SYNE2: variants seen among roughly 807,000 people sequenced by gnomAD.
SYNE2 encodes spectrin repeat containing nuclear envelope protein 2.
In SYNE2, 431 loss-of-function variants were observed where a neutral mutation model predicts 856.3. The observed-to-expected ratio is 0.50, with a 90% CI of 0.47 to 0.55. The LOEUF is 0.55. Among genes scored for constraint, SYNE2 ranks in the 20% least tolerant of loss-of-function variants. The pLI is 0.00. For synonymous variants in SYNE2, 2,923 were observed against 2,872.3 expected, an observed-to-expected ratio of 1.02 and a Z score of -0.56; for missense variants, 8,129 against 8,023.2, an observed-to-expected ratio of 1.01 and a Z score of -0.50.
Position 64,051,711 on chromosome 14 carries a change from A to T in SYNE2, c.7798A>T (p.Ile2600Phe). 2.5e-6 allele frequency: 4 copies of T among 1,614,254 alleles called. No individual in the cohort carries two copies. The highest frequency in any genetic ancestry group is 3.4e-6 in the Non-Finnish European group (4 of 1,180,042). Reference protein sequence around the residue: ...DMDKKLLESQIKQLEHGWEQV... With the variant: ...DMDKKLLESQFKQLEHGWEQV... ...GGATAAGAAATTGTTGGAAAGCCAG[A>T]TTAAGCAACTTGAACATGGTTGGGA... The change falls in exon 48 of 116, where the codon ATT becomes TTT. Residue 2600 changes from isoleucine (I) to phenylalanine (F), a missense_variant. By Grantham distance (21) the Ile-to-Phe change is conservative. Around this residue, in one of 3 missense-constraint regions of SYNE2, gnomAD observed 5,410 missense variants for 5,284.8 expected, o/e 1.02. Coordinates refer to ENST00000555002, the MANE Select transcript of SYNE2 (RefSeq NM_182914.3).
chr14:64,045,734 G>A (rs200431466), intron 45 of SYNE2, among the ~76,000 whole-genome samples: 58 of 152,322 alleles, frequency 3.8e-4, no homozygotes, highest in Admixed American at 3.2e-3. Context: ...TGTGCTAAAT[G>A]CCAATTAAGT....
At chr14:63,862,632 A>G (rs1894042350) in intron 1 of SYNE2, among the ~76,000 whole-genome samples, 1 of 152,210 alleles carries the variant, frequency 6.6e-6, no homozygotes, top group Non-Finnish European at 1.5e-5. Context: ...CTTATAGATA[A>G]TATTCTAGAA....
chr14:64,197,280 G>T (rs1372413508), intron 99 of SYNE2, among the ~76,000 whole-genome samples: 1 of 152,206 alleles, frequency 6.6e-6, no homozygotes, highest in Non-Finnish European at 1.5e-5. Context: ...GCGTCAGCAT[G>T]CGTGTGGTGT....
chr14:64,027,297 T>C (rs1156302580), intron 42 of SYNE2, among the ~76,000 whole-genome samples, 187 bp from the exon 43 acceptor site: 1 of 152,204 alleles, frequency 6.6e-6, no homozygotes, highest in Non-Finnish European at 1.5e-5. Context: ...AATACTCAAA[T>C]AATTTCTGTC....
intron 2 of SYNE2, among the ~76,000 whole-genome samples, chr14:63,914,447 T>C (rs761876113): frequency 2.0e-5 from 3 of 152,218 alleles, no homozygotes; most frequent in Non-Finnish European, 4.4e-5. Context: ...AGAGTGACAG[T>C]TACATGGTCA....
At chr14:64,151,447 G>C (rs1266400582) in intron 84 of SYNE2, among the ~76,000 whole-genome samples, 1 of 42,658 alleles carries the variant, frequency 2.3e-5, no homozygotes, top group Non-Finnish European at 4.6e-5. Context: ...AAAAAAAAAA[G>C]CTGGGATCCT....
intron 63 of SYNE2, among the ~76,000 whole-genome samples, chr14:64,100,531 A>AAAAAAAAAAATATATATATATAT (rs1491537041): frequency 2.5e-5 from 1 of 39,496 alleles, no homozygotes; most frequent in Non-Finnish European, 4.7e-5. Context: ...AAAAAAAAAA[A>AAAAAAAAAAATATATATATATAT]ATATATATAT....
intron 51 of SYNE2, among the ~76,000 whole-genome samples, chr14:64,068,245 TCTGTC>T (rs2097372862): frequency 6.6e-6 from 1 of 152,146 alleles, no homozygotes; most frequent in Admixed American, 6.5e-5. Context: ...TTAAGACAAT[TCTGTC>T]ACCCTAGAAG....
chr14:64,014,158 C>A (rs1373575410), intron 32 of SYNE2, among the ~76,000 whole-genome samples: 2 of 152,068 alleles, frequency 1.3e-5, no homozygotes, highest in Non-Finnish European at 2.9e-5. Flanking sequence ...TTTCACATAG[C>A]ATTATTCTGT....
intron 6 of SYNE2, among the ~76,000 whole-genome samples, chr14:63,948,790 A>C (rs1212159544): frequency 5.4e-5 from 4 of 74,014 alleles, no homozygotes; most frequent in African/African-American, 2.9e-4. Flanking sequence ...GTGTATATAT[A>C]TATATATATA....
intron 1 of SYNE2, among the ~76,000 whole-genome samples, chr14:63,785,749 T>A (rs74058059): frequency 0.01 from 1,588 of 152,312 alleles, 23 homozygotes; most frequent in African/African-American, 0.036. Flanking sequence ...AAGCTTTTTT[T>A]AAATCATTAT....
intron 99 of SYNE2, among the ~76,000 whole-genome samples, chr14:64,199,977 A>G (rs1249267605): frequency 1.3e-5 from 2 of 151,506 alleles, no homozygotes; most frequent in Non-Finnish European, 2.9e-5. Context: ...TTATTCCCCC[A>G]CCTTCTCCAT....
intron 60 of SYNE2, among the ~76,000 whole-genome samples, chr14:64,092,425 C>T (rs1019772595): frequency 2.6e-5 from 4 of 152,126 alleles, no homozygotes; most frequent in Admixed American, 6.5e-5. Flanking sequence ...TAAGTACCCT[C>T]GTTGTAGAAA....
At chr14:63,875,885 C>T (rs2094704325) in intron 1 of SYNE2, among the ~76,000 whole-genome samples, 1 of 152,124 alleles carries the variant, frequency 6.6e-6, no homozygotes, top group African/African-American at 2.4e-5. Flanking sequence ...TGCAGTTCTT[C>T]AAGGTTCCCA....
intron 99 of SYNE2, among the ~76,000 whole-genome samples, chr14:64,192,355 A>G (rs556992841): frequency 6.6e-6 from 1 of 152,244 alleles, no homozygotes; most frequent in Admixed American, 6.5e-5. Flanking sequence ...ATCATACAGG[A>G]TCAAGATCTA....
In SYNE2 at chr14:63,942,142, A is replaced by T; in HGVS notation, c.407A>T (p.His136Leu). The T allele has an allele frequency of 5.1e-6, 8 of 1,560,218 alleles. No individual in the cohort carries two copies. The highest frequency in any genetic ancestry group is 7.1e-6 in the Non-Finnish European group (8 of 1,132,668). ...ATTTGGACAATTATCCTGCACTTTCATGTAAGTAGTTTGATGATATAAAAA... is the reference window on the plus strand; with the variant it reads ...ATTTGGACAATTATCCTGCACTTTCTTGTAAGTAGTTTGATGATATAAAAA... Reference protein sequence around the residue: ...GLIWTIILHFHIEKLAQTLSC... With the variant: ...GLIWTIILHFLIEKLAQTLSC... Residue 136 changes from histidine to leucine, a missense_variant and splice_region_variant, in exon 6 of 116, where the codon CAT becomes CTT. His to Leu is a moderately conservative substitution (Grantham distance 99). Coordinates refer to ENST00000555002, the MANE Select transcript of SYNE2 (RefSeq NM_182914.3).
At position 64,184,434 on chromosome 14, in the gene SYNE2, C is replaced by T. The variant is rs758014533; in HGVS notation, c.17557-1990C>T. Among the ~76,000 whole-genome samples, 22 of 151,850 alleles carry T rather than the reference C, an allele frequency of 1.4e-4. 1 individual carries two copies. The highest frequency in any genetic ancestry group is 2.5e-4 in the Non-Finnish European group (17 of 67,944). The stretch of plus-strand genomic sequence containing the variant: ...GTGAGAGTAAAACAGGAGTCTCAAC[C>T]TTATCCAGTGACTGTACACTTTCCG... On this transcript the variant is annotated intron_variant, in intron 96 of 115. Coordinates refer to ENST00000555002, the MANE Select transcript of SYNE2 (RefSeq NM_182914.3).
intron 8 of SYNE2, among the ~76,000 whole-genome samples, chr14:63,955,190 TTTC>T (rs1320311525): frequency 3.9e-5 from 6 of 152,230 alleles, no homozygotes; most frequent in African/African-American, 1.4e-4. Context: ...TCTGTGTTTT[TTTC>T]TTCTTGATTC....
At chr14:63,905,610 G>T (rs763010684) in intron 1 of SYNE2, among the ~76,000 whole-genome samples, 3 of 152,088 alleles carry the variant, frequency 2.0e-5, no homozygotes, top group Admixed American at 6.6e-5. Context: ...GATGTTACTG[G>T]TGTATAGAAA....
Sources: allele counts gnomAD v4.1 joint callset (sites outside exome capture counted in the v4.1 genomes callset), GRCh38; gene constraint gnomAD v4.1.1; regional missense constraint gnomAD v4.1.1; transcripts MANE v1.5; gene names NCBI Gene and HGNC (gene_info 2026-07-23, HGNC 2026-07-21).